The following RNF213 variants were observed in gnomAD, a reference collection of about 807,000 sequenced individuals.
RNF213 encodes E3 ubiquitin-protein ligase RNF213.
Under a neutral mutation model 514.4 loss-of-function variants are expected in RNF213, and 341 were observed. The ratio of observed to expected loss-of-function variants is 0.66; its 90% CI spans 0.61 to 0.73. The LOEUF (loss-of-function observed/expected upper bound fraction) is 0.73. Ranked by LOEUF, RNF213 falls within the 30% of genes least tolerant of loss-of-function variation. The pLI, the probability that RNF213 is intolerant of heterozygous loss-of-function variation, is 0.00. For missense variants in RNF213, 5,767 were observed against 6,615.6 expected (o/e 0.87, Z 4.45); for synonymous variants, 2,655 against 2,658.2 (o/e 1.00, Z 0.04).
chr17:80,295,615 A>G lies in RNF213; in HGVS notation c.1814A>G (p.Lys605Arg), dbSNP rs2044909608. ...KKHVVPLPDGKSTDFLPVDCP... is the reference protein window; with the variant it reads ...KKHVVPLPDGRSTDFLPVDCP... ...CACGTGGTACCATTGCCGGACGGAAAAAGCACGGACTTTTTGCCTGTGGAC... is the reference window on the plus strand; with the variant it reads ...CACGTGGTACCATTGCCGGACGGAAGAAGCACGGACTTTTTGCCTGTGGAC... The change falls in exon 10 of 68, where the codon AAA becomes AGA. Residue 605 changes from lysine to arginine, a missense_variant. Physicochemically the swap from Lys to Arg is conservative, Grantham distance 26. Around this residue, in one of 13 missense-constraint regions of RNF213, gnomAD observed 592 missense variants for 673.9 expected, o/e 0.88. Transcript: ENST00000582970. 1.9e-6 allele frequency: 3 copies of G among 1,614,188 alleles called. No individual in the cohort carries two copies. Among genetic ancestry groups the G allele is most frequent in the African/African-American group, 2.7e-5 (2 of 75,056 alleles).
intron 13 of RNF213, among the ~76,000 whole-genome samples, chr17:80,308,265 T>TC (rs548550477): frequency 5.3e-5 from 8 of 151,782 alleles, no homozygotes; most frequent in African/African-American, 9.7e-5. Context: ...GACTTGAGGA[T>TC]CCCCCCCACA....
intron 49 of RNF213, among the ~76,000 whole-genome samples, chr17:80,374,203 G>A (rs764043790): frequency 1.3e-5 from 2 of 152,166 alleles, no homozygotes; most frequent in Non-Finnish European, 2.9e-5. Context: ...CGCCGCAAAC[G>A]GAGGAAGCAA....
intron 36 of RNF213, among the ~76,000 whole-genome samples, chr17:80,355,485 C>T (rs1236143519): frequency 4.4e-4 from 13 of 29,644 alleles, no homozygotes; most frequent in Non-Finnish European, 4.4e-4. Context: ...TGGGGGCTCA[C>T]AGAGGAAGAA....
intron 8 of RNF213, 174 bp downstream of exon 8, chr17:80,292,001 G>A (rs371475461): frequency 1.4e-6 from 1 of 712,498 alleles, no homozygotes; most frequent in Non-Finnish European, 2.5e-6. Flanking sequence ...TCTGGGTTGT[G>A]TCTCTGGTTG....
chr17:80,288,756 G>C lies in RNF213; in HGVS notation c.933+1G>C, dbSNP rs1383419945. 2 of 1,614,130 alleles carry C rather than the reference G, an allele frequency of 1.2e-6. No homozygotes were observed. Among genetic ancestry groups the C allele is most frequent in the Admixed American group, 3.3e-5 (2 of 60,030 alleles). ...TCCTCCTTTCAAAACACACTGCCAG[G>C]TGCGTCTCCTTCCTGCCTGCCGGCT... On this transcript the variant is annotated splice_donor_variant, in intron 5 of 67. Transcript: ENST00000582970. LOFTEE classifies it high-confidence loss of function. The surrounding 1 kb of genome is among the most constrained non-coding windows in gnomAD (Gnocchi z 4.9).
In RNF213 at chr17:80,345,670, C is replaced by G. The variant is rs150357089; in HGVS notation, c.7335C>G (p.Thr2445=). Residue 2445 remains threonine (T), a synonymous_variant, in exon 29 of 68, where the codon ACC becomes ACG. Coordinates refer to ENST00000582970, the MANE Select transcript of RNF213 (RefSeq NM_001256071.3). The surrounding 1 kb of genome is among the most constrained non-coding windows in gnomAD (Gnocchi z 6.0). ...DLRRGGTNAD[T]IKLVKVHGGT... ...GGCGTGGTGGTACCAATGCTGACAC[C>G]ATAAAGCTGGTCAAGGTGCACGGAG... 9.0e-4 allele frequency: 1,454 copies of G among 1,614,166 alleles called. 1 individual carries two copies. The highest frequency in any genetic ancestry group is 1.1e-3 in the Non-Finnish European group (1,325 of 1,180,038).
chr17:80,342,823 C>G (rs1349774301), intron 26 of RNF213, among the ~76,000 whole-genome samples: 1 of 149,808 alleles, frequency 6.7e-6, no homozygotes, highest in Non-Finnish European at 1.5e-5. Context: ...ACAACTGCAC[C>G]CTAAGGGATG....
chr17:80,294,990 A>G lies in RNF213; in HGVS notation c.1742A>G (p.Tyr581Cys), dbSNP rs150430703. ...GQAQLWTDLQ[Y>C]REKEVKRYLW... is the part of the protein sequence containing the mutation. ...GCACAGCTGTGGACCGATTTGCAGT[A>G]CAGGGAGAAAGAGGTATCAGGCTTG... is the stretch of plus-strand genomic sequence containing the variant. The change falls in exon 9 of 68, where the codon TAC (tyrosine) becomes TGC (cysteine). Residue 581 changes from tyrosine (Y) to cysteine (C), a missense_variant. Tyr to Cys is a radical substitution (Grantham distance 194, BLOSUM62 -2). Around this residue, in one of 13 missense-constraint regions of RNF213, gnomAD observed 592 missense variants for 673.9 expected, o/e 0.88. Transcript: ENST00000582970. 12 of 1,614,084 alleles carry G rather than the reference A, an allele frequency of 7.4e-6. No homozygotes were observed. Among genetic ancestry groups the G allele is most frequent in the Non-Finnish European group, 8.5e-6 (10 of 1,180,044 alleles).
chr17:80,334,226 C>T lies in RNF213; in HGVS notation c.4265C>T (p.Ser1422Phe), dbSNP rs572170854. The change falls in exon 22 of 68, where the codon TCC becomes TTC. Residue 1422 changes from serine (S) to phenylalanine (F), a missense_variant. Ser to Phe is a radical substitution (Grantham distance 155). This residue lies in a region of RNF213 where 516 missense variants were observed against 566.5 expected (regional missense o/e 0.91). Transcript: ENST00000582970. ...CGGTGCAAGGGGCTGCAGGCTCTGTCCCTGAGAAAGGAGTTCATCTGCTGG... is the reference window on the plus strand; with the variant it reads ...CGGTGCAAGGGGCTGCAGGCTCTGTTCCTGAGAAAGGAGTTCATCTGCTGG... ...EARCKGLQAL[S>F]LRKEFICWVR... 86 of 1,537,050 alleles carry T rather than the reference C, an allele frequency of 5.6e-5. No homozygotes were observed. The highest frequency in any genetic ancestry group is 1.7e-4 in the Middle Eastern group (1 of 6,006).
intron 56 of RNF213, 114 bp from the exon 57 acceptor site, chr17:80,381,433 G>A (rs1226577323): frequency 1.9e-5 from 22 of 1,146,112 alleles, no homozygotes; most frequent in Non-Finnish European, 2.9e-5. Flanking sequence ...TTTCATCTTA[G>A]AAACCGCCTT....
At chr17:80,354,302 C>T in intron 35 of RNF213, 136 bp downstream of exon 35, 3 of 1,501,062 alleles carry the variant, frequency 2.0e-6, no homozygotes, top group Non-Finnish European at 2.8e-6. Flanking sequence ...CAGTGGGAAT[C>T]TAAGAGCATC....
chr17:80,311,540 G>C lies in RNF213; in HGVS notation c.2656-1472G>C, dbSNP rs560282041. ...CTCCTGTGCCCAGCCCCCTCTGCGG[G>C]CTCTCTTTCACAGCAGCACCTGCAT... On this transcript the variant is annotated intron_variant, in intron 14 of 67. Transcript: ENST00000582970. Among the ~76,000 whole-genome samples, 6 of 152,308 alleles carry C rather than the reference G, an allele frequency of 3.9e-5. No homozygotes were observed. In the East Asian group the frequency reaches 1.2e-3, roughly 29 times the overall value.
At position 80,332,596 on chromosome 17, in the gene RNF213, G is replaced by A. The variant is rs553109860; in HGVS notation, c.4108G>A (p.Gly1370Ser). Reference sequence around the variant, plus strand: ...GGTCAAAGAGAGCCTGGGACTGAACGGTGACTTCAGTGTTCTCAACACTTT... The same window carrying A: ...GGTCAAAGAGAGCCTGGGACTGAACAGTGACTTCAGTGTTCTCAACACTTT... ...LQVKESLGLN[G>S]DFSVLNTLLN... The change falls in exon 21 of 68, where the codon GGT (glycine) becomes AGT (serine). Residue 1370 changes from glycine (G) to serine (S), a missense_variant. Gly to Ser is a moderately conservative substitution (Grantham distance 56, BLOSUM62 0). Around this residue, in one of 13 missense-constraint regions of RNF213, gnomAD observed 516 missense variants for 566.5 expected, o/e 0.91. Transcript: ENST00000582970. 4 of 1,520,702 alleles carry A rather than the reference G, an allele frequency of 2.6e-6. No homozygotes were observed. The highest frequency in any genetic ancestry group is 2.6e-6 in the Non-Finnish European group (3 of 1,137,994). 94.2% of individuals were successfully genotyped at this position (1,520,702 alleles called of 1,614,324 possible). A position where few individuals can be genotyped will look rare whatever the true frequency, so the allele number is the denominator to read the frequency against.
intron 17 of RNF213, chr17:80,319,673 G>A (rs1032635787): frequency 2.1e-6 from 3 of 1,453,360 alleles, no homozygotes; most frequent in South Asian, 2.8e-5. Context: ...AGGTGTGCGG[G>A]AAGAGACTCC....
At chr17:80,372,143 A>G (rs1217188693) in intron 47 of RNF213, among the ~76,000 whole-genome samples, 158 bp downstream of exon 47, 1 of 152,264 alleles carries the variant, frequency 6.6e-6, no homozygotes, top group Non-Finnish European at 1.5e-5. Flanking sequence ...TGCCTTCAGC[A>G]ACGTATATTT....
At chr17:80,331,784 C>T (rs1369748963) in intron 20 of RNF213, among the ~76,000 whole-genome samples, 3 of 152,206 alleles carry the variant, frequency 2.0e-5, no homozygotes, top group Admixed American at 2.0e-4. Flanking sequence ...CCACTGCCAT[C>T]TTTACCCAGA....
At chr17:80,280,919 C>T (rs754679547) in intron 3 of RNF213, among the ~76,000 whole-genome samples, 2 of 152,100 alleles carry the variant, frequency 1.3e-5, no homozygotes, top group African/African-American at 2.4e-5. Flanking sequence ...GGGATGCGCA[C>T]GGAGCATGAG....
chr17:80,278,707 G>C, intron 3 of RNF213: 1 of 1,527,762 alleles, frequency 6.5e-7, no homozygotes. Context: ...GAGTCTACTG[G>C]AGCTGTGCGT....
chr17:80,332,574 C>G lies in RNF213; in HGVS notation c.4086C>G (p.Val1362=), dbSNP rs1372384988. The G allele has an allele frequency of 9.1e-6, 14 of 1,532,976 alleles. No individual in the cohort carries two copies. Among genetic ancestry groups the G allele is most frequent in the Non-Finnish European group, 1.2e-5 (14 of 1,144,182 alleles). 95.0% of individuals were successfully genotyped at this position (1,532,976 alleles called of 1,614,324 possible). A position where few individuals can be genotyped will look rare whatever the true frequency, so the allele number is the denominator to read the frequency against. The change falls in exon 21 of 68, where the codon GTC becomes GTG. Residue 1362 remains valine, a synonymous_variant. Coordinates refer to ENST00000582970, the MANE Select transcript of RNF213 (RefSeq NM_001256071.3). The part of the protein sequence containing the change: ...AVHAAKVILQ[V]KESLGLNGDF... ...ACGCAGCCAAGGTCATCTTGCAGGT[C>G]AAAGAGAGCCTGGGACTGAACGGTG...
Sources: gnomAD v4.1 joint callset for allele counts (sites outside exome capture counted in the v4.1 genomes callset) on GRCh38, gnomAD v4.1.1 for gene constraint, gnomAD v4.1.1 regional missense constraint, Gnocchi (gnomAD v3.1) non-coding constraint, MANE v1.5 for transcripts, NCBI Gene and HGNC (gene_info 2026-07-23, HGNC 2026-07-21) for gene names.